Variants in SVEP1 observed in about 807,000 individuals in gnomAD.
SVEP1 encodes the protein sushi, von Willebrand factor type A, EGF and pentraxin domain containing 1.
SVEP1 carries 164 observed loss-of-function variants against 367.3 expected under a neutral mutation model. The ratio of observed to expected loss-of-function variants is 0.45; its 90% confidence interval spans 0.39 to 0.51. The LOEUF (loss-of-function observed/expected upper bound fraction) is 0.51, where lower values mean the gene tolerates loss of function less well. Ranked by LOEUF, SVEP1 falls within the 20% of genes least tolerant of loss-of-function variation. The pLI is 0.00. For synonymous variants in SVEP1, 1,666 were observed against 1,611.6 expected (o/e 1.03, Z -0.81); for missense variants, 4,117 against 4,425.3 (o/e 0.93, Z 1.98).
rs1827966277 is a variant in SVEP1, at chr9:110,407,022, T to A, written c.8578A>T (p.Asn2860Tyr). The change falls in exon 38 of 48, where the codon AAT becomes TAT. Residue 2860 changes from asparagine (N) to tyrosine (Y), a missense_variant. By Grantham distance (143) the Asn-to-Tyr change is moderately radical (BLOSUM62 -2). Around this residue, in one of 4 missense-constraint regions of SVEP1, gnomAD observed 1,765 missense variants for 1,781.1 expected, o/e 0.99. Transcript: ENST00000374469. The part of the protein sequence containing the change: ...TFQKEIEYTC[N>Y]EGFLLEGARS... ...GCTCCCTCAAGCAAGAACCCTTCAT[T>A]GCAAGTGTATTCAATCTCTTTTTGG... 6.2e-7 allele frequency: 1 copy of A among 1,613,810 alleles called. No homozygotes were observed. Among genetic ancestry groups the A allele is most frequent in the Non-Finnish European group, 8.5e-7 (1 of 1,179,878 alleles).
chr9:110,514,216 G>A (rs1355231544), intron 3 of SVEP1, 110 bp from the exon 4 acceptor site: 2 of 1,422,560 alleles, frequency 1.4e-6, no homozygotes, highest in African/African-American at 2.8e-5. Flanking sequence ...GTTTTCCATA[G>A]AAATGGTGAT....
At chr9:110,419,403 C>T (rs1240980709) in intron 36 of SVEP1, among the ~76,000 whole-genome samples, 1 of 6,218 alleles carries the variant, frequency 1.6e-4, no homozygotes, top group Admixed American at 1.5e-3. Context: ...ATCAATTCAA[C>T]AAGAGGAGCT....
At chr9:110,481,610 T>C (rs185195907) in intron 11 of SVEP1, among the ~76,000 whole-genome samples, 174 bp from the exon 12 acceptor site, 1 of 152,188 alleles carries the variant, frequency 6.6e-6, no homozygotes, top group Non-Finnish European at 1.5e-5. Flanking sequence ...TTTTGGTTCC[T>C]AGATTGACAT....
chr9:110,398,072 C>T (rs374873491), intron 40 of SVEP1, among the ~76,000 whole-genome samples: 21 of 150,332 alleles, frequency 1.4e-4, no homozygotes, highest in East Asian at 5.9e-4. Context: ...GGAGGCATCA[C>T]GCTACCTGAC....
rs1177213352 is a variant in SVEP1, at chr9:110,579,682, C to T, written c.-139G>A. ...GCCAAGAGCCTCAGCGCCCTTTCAT[C>T]TGACACTGGGGACAGACACAATCCA... On this transcript the variant is annotated 5_prime_UTR_variant, in exon 1 of 48. Transcript: ENST00000374469. This position sits in a 1 kb window ranked among gnomAD's most constrained non-coding sequence, Gnocchi z 5.3. 9.5e-7 allele frequency: 1 copy of T among 1,057,140 alleles called. No individual in the cohort carries two copies. The highest frequency in any genetic ancestry group is 1.3e-6 in the Non-Finnish European group (1 of 778,098). The allele number at this position is 1,057,140 out of a possible 1,614,324, so 65.5% of individuals were successfully genotyped here.
chr9:110,508,879 A>G (rs1437046989), intron 5 of SVEP1, among the ~76,000 whole-genome samples: 1 of 152,118 alleles, frequency 6.6e-6, no homozygotes, highest in African/African-American at 2.4e-5. Context: ...TTTACCAATT[A>G]TTAGTCAACA....
chr9:110,429,163 A>G lies in SVEP1; in HGVS notation c.5787T>C (p.Tyr1929=), dbSNP rs1214364952. ...SGLTYLSTAS[Y]SCDTGYSLQG... is the part of the protein sequence containing the mutation. ...GTTACCTGTATCCTGTATCGCATGAATATGATGCAGTAGAAAGGTAGGTAA... is the reference window on the plus strand; with the variant it reads ...GTTACCTGTATCCTGTATCGCATGAGTATGATGCAGTAGAAAGGTAGGTAA... The change falls in exon 35 of 48, where the codon TAT becomes TAC. Residue 1929 remains tyrosine (Y), a synonymous_variant. Transcript: ENST00000374469. 1.3e-5 allele frequency: 20 copies of G among 1,596,390 alleles called. No homozygotes were observed. Among genetic ancestry groups the G allele is most frequent in the Non-Finnish European group, 1.7e-5 (20 of 1,170,862 alleles).
intron 1 of SVEP1, among the ~76,000 whole-genome samples, chr9:110,567,168 A>G (rs1830502613): frequency 6.6e-6 from 1 of 152,178 alleles, no homozygotes; most frequent in Admixed American, 6.5e-5. Context: ...AGTTCTAATG[A>G]ATATCATTTT....
chr9:110,499,845 CCCATAG>C (rs1829505898), intron 6 of SVEP1, among the ~76,000 whole-genome samples: 1 of 152,172 alleles, frequency 6.6e-6, no homozygotes, highest in Admixed American at 6.5e-5. Context: ...TGTGCACACA[CCCATAG>C]GCACATTTGT....
At chr9:110,404,209 G>T in intron 39 of SVEP1, 118 bp downstream of exon 39, 1 of 974,056 alleles carries the variant, frequency 1.0e-6, no homozygotes, top group Non-Finnish European at 1.5e-6. Flanking sequence ...CAAATCCTTT[G>T]AAATGAGTGA....
chr9:110,434,556 C>T (rs769856562), intron 29 of SVEP1, 50 bp from the exon 30 acceptor site: 1 of 1,542,694 alleles, frequency 6.5e-7, no homozygotes, highest in South Asian at 1.2e-5. Context: ...ATAGTGGTAG[C>T]ATCACCAAGT....
intron 1 of SVEP1, among the ~76,000 whole-genome samples, chr9:110,563,956 G>C (rs1476204330): frequency 1.3e-5 from 2 of 152,038 alleles, no homozygotes; most frequent in Non-Finnish European, 2.9e-5. Context: ...CAAATTCCCA[G>C]GAAAAAGAAT....
intron 40 of SVEP1, among the ~76,000 whole-genome samples, chr9:110,390,189 ACTT>A (rs1827618988): frequency 7.6e-4 from 11 of 14,558 alleles, no homozygotes; most frequent in Non-Finnish European, 1.1e-3. Flanking sequence ...GTATATATAC[ACTT>A]ATATAAGTAT....
At position 110,411,483 on chromosome 9, in the gene SVEP1, G is replaced by C; in HGVS notation, c.6228C>G (p.Pro2076=). The change falls in exon 37 of 48, where the codon CCC becomes CCG. Residue 2076 remains proline (P), a synonymous_variant. Transcript: ENST00000374469. ...KWVPPEGQDM[P]RCIAHFCEKP... is the part of the protein sequence containing the mutation. ...TTTCACAGAAATGAGCTATACAACG[G>C]GGCATGTCTTGACCTTCTGGGGGTA... 4.3e-6 allele frequency: 7 copies of C among 1,614,010 alleles called. No homozygotes were observed. Among genetic ancestry groups the C allele is most frequent in the Non-Finnish European group, 5.1e-6 (6 of 1,179,902 alleles).
chr9:110,461,910 C>A lies in SVEP1; in HGVS notation c.3323-2797G>T, dbSNP rs148798847. On this transcript the variant is annotated intron_variant, in intron 18 of 47. Coordinates refer to ENST00000374469, the MANE Select transcript of SVEP1 (RefSeq NM_153366.4). ...GAGTGCTAGGTAGAGCTCTGTTATT[C>A]GCACAAACTGTAAACTTGCTTAGCT... 3.0e-3 allele frequency among the ~76,000 whole-genome samples: 460 copies of A among 152,168 alleles called. 2 individuals carry two copies. Among genetic ancestry groups the A allele is most frequent in the Non-Finnish European group, 5.6e-3 (381 of 67,990 alleles).
At chr9:110,442,784 T>C (rs1416521943) in intron 27 of SVEP1, 8 of 152,180 alleles carry the variant, frequency 5.3e-5, no homozygotes, top group African/African-American at 1.9e-4. Context: ...ATAAATAAAA[T>C]AAGTATTGTA....
rs1254854895 is a variant in SVEP1, at chr9:110,536,430, A to T, written c.964+9685T>A. ...GTAAGGCAAAGACTTTGCAAGTGGCATGTGAATGTCACATGCATCATTTTA... is the reference window on the plus strand; with the variant it reads ...GTAAGGCAAAGACTTTGCAAGTGGCTTGTGAATGTCACATGCATCATTTTA... On this transcript the variant is annotated intron_variant, in intron 3 of 47. Coordinates refer to ENST00000374469, the MANE Select transcript of SVEP1 (RefSeq NM_153366.4). Among the ~76,000 whole-genome samples the T allele has an allele frequency of 2.0e-5, 3 of 152,010 alleles. No individual in the cohort carries two copies. The East Asian group carries it at 5.8e-4, about 29-fold the overall frequency.
At chr9:110,533,361 T>C (rs1015812734) in intron 3 of SVEP1, among the ~76,000 whole-genome samples, 3 of 152,270 alleles carry the variant, frequency 2.0e-5, no homozygotes, top group East Asian at 1.9e-4. Context: ...CCACATTTCA[T>C]AGACTAGGAA....
chr9:110,377,226 A>T (rs539226754), intron 45 of SVEP1, 45 bp downstream of exon 45: 2 of 1,576,216 alleles, frequency 1.3e-6, no homozygotes, highest in East Asian at 2.3e-5. Context: ...GGGAGCATCC[A>T]GGCAATTTGT....
Sources: allele counts gnomAD v4.1 joint callset (sites outside exome capture counted in the v4.1 genomes callset), GRCh38; gene constraint gnomAD v4.1.1; regional missense constraint gnomAD v4.1.1; non-coding constraint Gnocchi (gnomAD v3.1); transcripts MANE v1.5; gene names NCBI Gene and HGNC (gene_info 2026-07-23, HGNC 2026-07-21).